PI4K2A: variants seen among roughly 807,000 people sequenced by gnomAD.
PI4K2A encodes the protein phosphatidylinositol 4-kinase type 2 alpha.
Under a neutral mutation model 55.0 loss-of-function variants are expected in PI4K2A, and 20 were observed. That is an observed-to-expected ratio of 0.36 (90% CI 0.26 to 0.53). PI4K2A has a LOEUF of 0.53. PI4K2A is among the 20% of genes least tolerant of loss of function. PI4K2A has a pLI of 0.91. For missense variants in PI4K2A, 463 were observed against 637.1 expected (o/e 0.73, Z 2.94); for synonymous variants, 235 against 258.5 (o/e 0.91, Z 0.87).
intron 1 of PI4K2A, among the ~76,000 whole-genome samples, chr10:97,641,820 T>TGGGGC (rs2041471316): frequency 6.6e-6 from 1 of 152,154 alleles, no homozygotes; most frequent in Admixed American, 6.5e-5. Context: ...TTTAGAAACA[T>TGGGGC]GGGGCCATCA....
chr10:97,675,081 A>T (rs544524706), exon 9 of PI4K2A: 1 of 152,710 alleles, frequency 6.5e-6, no homozygotes, highest in Non-Finnish European at 1.5e-5. Flanking sequence ...AAAGGGTGCC[A>T]TCTGTGTCTG....
chr10:97,672,766 C>G (rs1487577063), intron 8 of PI4K2A, among the ~76,000 whole-genome samples: 2 of 102,376 alleles, frequency 2.0e-5, no homozygotes, highest in African/African-American at 4.1e-5. Context: ...GGGTCTTGCT[C>G]TGTTGCCCAG....
chr10:97,671,662 T>C (rs2041635834), intron 8 of PI4K2A, among the ~76,000 whole-genome samples: 1 of 152,198 alleles, frequency 6.6e-6, no homozygotes, highest in African/African-American at 2.4e-5. Flanking sequence ...TTTTTTGAGA[T>C]GGAGTCTTGC....
chr10:97,655,763 C>T (rs190491541), intron 2 of PI4K2A, among the ~76,000 whole-genome samples: 30 of 152,082 alleles, frequency 2.0e-4, no homozygotes, highest in South Asian at 1.0e-3. Context: ...TTAGTAGAGA[C>T]GGGGTTTAAC....
rs78093561 is a variant in PI4K2A, at chr10:97,668,709, A to G, written c.1278+1589A>G. On this transcript the variant is annotated intron_variant, in intron 8 of 8. Transcript: ENST00000370631. ...TAGCTGTTAGGATTATGATTTTTGT[A>G]TACAGAAAATTCAGCTTCTCCCATC... is the stretch of plus-strand genomic sequence containing the variant. Among the ~76,000 whole-genome samples the G allele has an allele frequency of 2.0e-5, 3 of 152,188 alleles. No homozygotes were observed. The South Asian group carries it at 6.2e-4, about 32-fold the overall frequency.
exon 1 of PI4K2A, chr10:97,641,105 C>A: frequency 1.2e-6 from 2 of 1,609,282 alleles, no homozygotes; most frequent in South Asian, 2.2e-5. Flanking sequence ...AGCTGGCCAT[C>A]GAGCGCTGCA....
At chr10:97,667,198 T>C in intron 8 of PI4K2A, 78 bp downstream of exon 8, 3 of 1,128,886 alleles carry the variant, frequency 2.7e-6, no homozygotes, top group South Asian at 1.3e-5. Flanking sequence ...ATGTTTGAAG[T>C]TTGTGTTTTA....
chr10:97,666,961 A>AT (rs1479869238), intron 7 of PI4K2A, 100 bp from the exon 8 acceptor site: 1 of 847,240 alleles, frequency 1.2e-6, no homozygotes, highest in Non-Finnish European at 2.0e-6. Flanking sequence ...CAGAAGCCTT[A>AT]TGCAGGTTTT....
At chr10:97,662,934 A>C (rs1589936912) in exon 5 of PI4K2A, 1 of 1,608,404 alleles carries the variant, frequency 6.2e-7, no homozygotes, top group African/African-American at 1.3e-5. Flanking sequence ...TGGCTGATTA[A>C]ATATGACTGT....
intron 8 of PI4K2A, among the ~76,000 whole-genome samples, chr10:97,668,654 T>C (rs1483894169): frequency 6.6e-6 from 1 of 152,204 alleles, no homozygotes; most frequent in African/African-American, 2.4e-5. Flanking sequence ...TAGTACCTGG[T>C]ATACTAAAAT....
intron 4 of PI4K2A, among the ~76,000 whole-genome samples, chr10:97,661,140 C>T (rs1375033855): frequency 7.9e-5 from 12 of 151,918 alleles, no homozygotes; most frequent in African/African-American, 2.2e-4. Flanking sequence ...TACAGGCGCC[C>T]GCCACCACAC....
intron 8 of PI4K2A, among the ~76,000 whole-genome samples, chr10:97,671,744 A>C (rs539173055): frequency 6.6e-6 from 1 of 152,032 alleles, no homozygotes; most frequent in Non-Finnish European, 1.5e-5. Flanking sequence ...GGTTCACGTG[A>C]TTCTCCCTCC....
chr10:97,641,060 G>T, exon 1 of PI4K2A: 1 of 1,606,486 alleles, frequency 6.2e-7, no homozygotes. Flanking sequence ...AGTTCCCGGA[G>T]GATCCTGAGT....
intron 4 of PI4K2A, among the ~76,000 whole-genome samples, chr10:97,658,409 T>C (rs991680975): frequency 6.6e-6 from 1 of 152,258 alleles, no homozygotes; most frequent in Non-Finnish European, 1.5e-5. Context: ...TTTATGTATA[T>C]ACCACATTTT....
At position 97,656,464 on chromosome 10, in the gene PI4K2A, T is replaced by G; in HGVS notation, c.768+48T>G. 2 of 1,585,450 alleles carry G rather than the reference T, an allele frequency of 1.3e-6. No individual in the cohort carries two copies. The highest frequency in any genetic ancestry group is 1.7e-6 in the Non-Finnish European group (2 of 1,156,708). On this transcript the variant is annotated intron_variant, in intron 3 of 8. Coordinates refer to ENST00000370631, the Ensembl canonical transcript of PI4K2A. The surrounding 1 kb of genome is among the most constrained non-coding windows in gnomAD (Gnocchi z 4.5). ...TCAAGGGTCATGATTTATAGTGACATAGTCATCCAAGTGGTGAAGCAAGGT... is the reference window on the plus strand; with the variant it reads ...TCAAGGGTCATGATTTATAGTGACAGAGTCATCCAAGTGGTGAAGCAAGGT...
chr10:97,656,266 C>T lies in PI4K2A; in HGVS notation c.637-19C>T. The T allele has an allele frequency of 6.2e-7, 1 of 1,607,680 alleles. No individual in the cohort carries two copies. The highest frequency in any genetic ancestry group is 8.5e-7 in the Non-Finnish European group (1 of 1,174,558). ...TTAAACTTGACTCTAACCTTAGTAT[C>T]TCTTCTCTTTCACTGTAGGTAGTAT... On this transcript the variant is annotated intron_variant, in intron 2 of 8. Transcript: ENST00000370631. The surrounding 1 kb of genome is among the most constrained non-coding windows in gnomAD (Gnocchi z 4.5).
intron 8 of PI4K2A, among the ~76,000 whole-genome samples, chr10:97,668,350 G>A (rs960135465): frequency 2.7e-4 from 41 of 152,152 alleles, no homozygotes; most frequent in Admixed American, 1.8e-3. Context: ...GGCTTAGGTG[G>A]GCAGATCACT....
At chr10:97,672,387 C>T (rs1261550202) in intron 8 of PI4K2A, among the ~76,000 whole-genome samples, 1 of 152,138 alleles carries the variant, frequency 6.6e-6, no homozygotes, top group Non-Finnish European at 1.5e-5. Context: ...CCACTGCCAA[C>T]TGCCAGACTT....
At chr10:97,664,814 G>A (rs2041602123) in intron 5 of PI4K2A, 71 bp from the exon 6 acceptor site, 1 of 965,472 alleles carries the variant, frequency 1.0e-6, no homozygotes, top group African/African-American at 1.6e-5. Context: ...GGGATGAGTT[G>A]CTTTGCTACT....
Sources: gnomAD v4.1 joint callset for allele counts (sites outside exome capture counted in the v4.1 genomes callset) on GRCh38, gnomAD v4.1.1 for gene constraint, Gnocchi (gnomAD v3.1) non-coding constraint, MANE v1.5 for transcripts, NCBI Gene and HGNC (gene_info 2026-07-23, HGNC 2026-07-21) for gene names.